Variants in PDZRN4 observed in about 807,000 individuals in gnomAD.
PDZRN4 encodes PDZ domain-containing RING finger protein 4.
In PDZRN4, 70 loss-of-function variants were observed where a neutral mutation model predicts 99.0. That is an observed-to-expected ratio of 0.71 (90% CI 0.58 to 0.86). The LOEUF (loss-of-function observed/expected upper bound fraction) is 0.86. Ranked by LOEUF, PDZRN4 falls within the 40% of genes least tolerant of loss-of-function variation. PDZRN4 has a pLI of 0.00. For synonymous variants in PDZRN4, 551 were observed against 501.6 expected (o/e 1.10, Z -1.32); for missense variants, 1,474 against 1,331.2 (o/e 1.11, Z -1.67).
intron 5 of PDZRN4, among the ~76,000 whole-genome samples, chr12:41,535,961 C>A (rs913040676): frequency 2.6e-5 from 4 of 152,160 alleles, no homozygotes; most frequent in Non-Finnish European, 5.9e-5. Context: ...TCTTTACAAT[C>A]CCTTGGGAGG....
At chr12:41,508,691 G>T (rs1592090195) in intron 4 of PDZRN4, among the ~76,000 whole-genome samples, 1 of 152,150 alleles carries the variant, frequency 6.6e-6, no homozygotes, top group East Asian at 1.9e-4. Context: ...GGTGCTGCCT[G>T]TATTACTTTT....
Position 41,572,411 on chromosome 12 carries a change from C to T in PDZRN4, c.1632C>T (p.Ser544=), listed in dbSNP as rs762518231. Residue 544 remains serine, a synonymous_variant, in exon 10 of 10, where the codon TCC becomes TCT. Transcript: ENST00000402685. ...AAGGCACAACAGACACTGCAACATC[C>T]TCATCCAACAACCATGAGAAGGACA... ...EEEGTTDTAT[S]SSNNHEKDSG... is the part of the protein sequence containing the mutation. 1.9e-6 allele frequency: 3 copies of T among 1,614,056 alleles called. No individual in the cohort carries two copies. Among genetic ancestry groups the T allele is most frequent in the Non-Finnish European group, 2.5e-6 (3 of 1,179,978 alleles).
At chr12:41,374,928 A>C (rs950172897) in intron 3 of PDZRN4, among the ~76,000 whole-genome samples, 6 of 152,180 alleles carry the variant, frequency 3.9e-5, no homozygotes, top group African/African-American at 1.4e-4. Flanking sequence ...TTCTGAGATT[A>C]GGTTATAAAA....
intron 3 of PDZRN4, among the ~76,000 whole-genome samples, chr12:41,353,864 G>C (rs563620427): frequency 6.6e-6 from 1 of 152,170 alleles, no homozygotes; most frequent in East Asian, 1.9e-4. Flanking sequence ...AAGAGTTTAG[G>C]ATGAGATTAT....
intron 3 of PDZRN4, among the ~76,000 whole-genome samples, chr12:41,353,288 T>G (rs907513014): frequency 2.6e-5 from 4 of 152,108 alleles, no homozygotes; most frequent in Non-Finnish European, 5.9e-5. Flanking sequence ...ACCCATTCAC[T>G]TTCTCTCTCT....
At chr12:41,313,363 A>G (rs1796453957) in intron 3 of PDZRN4, among the ~76,000 whole-genome samples, 2 of 152,042 alleles carry the variant, frequency 1.3e-5, no homozygotes, top group South Asian at 2.1e-4. Context: ...TTTATTATTT[A>G]TTTGCTCAAA....
chr12:41,346,726 A>T (rs7298511), intron 3 of PDZRN4, among the ~76,000 whole-genome samples: 58,432 of 151,862 alleles, frequency 0.38, 11,322 homozygotes, highest in African/African-American at 0.41. Context: ...TGGTTTTGGA[A>T]ATGTTTGGTT....
intron 3 of PDZRN4, among the ~76,000 whole-genome samples, chr12:41,304,636 C>T (rs1328161522): frequency 6.6e-6 from 1 of 152,174 alleles, no homozygotes; most frequent in Non-Finnish European, 1.5e-5. Context: ...AATGAGAATG[C>T]ATGCTTTAGA....
At chr12:41,447,232 T>C (rs1952737019) in intron 3 of PDZRN4, among the ~76,000 whole-genome samples, 1 of 152,182 alleles carries the variant, frequency 6.6e-6, no homozygotes, top group Non-Finnish European at 1.5e-5. Context: ...TGCCATTTGC[T>C]CAAGTATGCC....
At chr12:41,230,369 G>T (rs1951020335) in intron 3 of PDZRN4, among the ~76,000 whole-genome samples, 1 of 151,910 alleles carries the variant, frequency 6.6e-6, no homozygotes, top group Non-Finnish European at 1.5e-5. Flanking sequence ...TGTTCAGGCA[G>T]GATAACTGTA....
chr12:41,214,634 C>T (rs1215777787), intron 3 of PDZRN4, among the ~76,000 whole-genome samples: 1 of 151,498 alleles, frequency 6.6e-6, no homozygotes, highest in Non-Finnish European at 1.5e-5. Flanking sequence ...TGATTTTCTG[C>T]CTAGACTAAA....
At chr12:41,259,596 T>G (rs1194952184) in intron 3 of PDZRN4, among the ~76,000 whole-genome samples, 1 of 152,152 alleles carries the variant, frequency 6.6e-6, no homozygotes, top group Non-Finnish European at 1.5e-5. Context: ...TGACCTTTGT[T>G]GCAGACTATA....
intron 3 of PDZRN4, among the ~76,000 whole-genome samples, chr12:41,377,505 A>G (rs547110473): frequency 1.0e-3 from 156 of 152,294 alleles, no homozygotes; most frequent in African/African-American, 3.6e-3. Flanking sequence ...TCTATTAAAA[A>G]TACAAAAAAA....
chr12:41,188,534 G>A lies in PDZRN4; in HGVS notation c.79G>A (p.Glu27Lys). ...ECKLCGQVLE[E>K]PLCTPCGHVF... Reference sequence around the variant, plus strand: ...CAAACTGTGCGGCCAGGTGCTTGAAGAGCCCCTGTGCACGCCGTGCGGGCA... The same window carrying A: ...CAAACTGTGCGGCCAGGTGCTTGAAAAGCCCCTGTGCACGCCGTGCGGGCA... Residue 27 changes from glutamate (E) to lysine (K), a missense_variant, in exon 1 of 10, where the codon GAG (glutamate) becomes AAG (lysine). Glu to Lys is a moderately conservative substitution (Grantham distance 56). Transcript: ENST00000402685. 1.9e-6 allele frequency: 3 copies of A among 1,578,386 alleles called. No homozygotes were observed. The highest frequency in any genetic ancestry group is 4.6e-5 in the East Asian group (2 of 43,650).
chr12:41,254,922 C>CAAAAAAT (rs1210268044), intron 3 of PDZRN4, among the ~76,000 whole-genome samples: 1 of 151,790 alleles, frequency 6.6e-6, no homozygotes, highest in East Asian at 1.9e-4. Context: ...CCAGTATCTA[C>CAAAAAAT]AAAAAATAAA....
At chr12:41,527,332 C>G (rs1938585917) in intron 5 of PDZRN4, among the ~76,000 whole-genome samples, 1 of 152,122 alleles carries the variant, frequency 6.6e-6, no homozygotes, top group African/African-American at 2.4e-5. Flanking sequence ...AAGGAAAAGC[C>G]TTTTCATAAT....
Position 41,509,887 on chromosome 12 carries a change from GACAGA to G in PDZRN4, c.1184_1188del (p.Thr395ArgfsTer3). 1 of 1,588,416 alleles carries G rather than the reference GACAGA, an allele frequency of 6.3e-7. No homozygotes were observed. On this transcript the variant is annotated frameshift_variant, in exon 5 of 10. Coordinates refer to ENST00000402685, the MANE Select transcript of PDZRN4 (RefSeq NM_001164595.2). LOFTEE classifies it high-confidence loss of function. ...TATTTCCAGCTTGCCTGCTGATGCA[GACAGA>G]ACAGAAGACTTTGAATATGAGGTAA... is the stretch of plus-strand genomic sequence containing the variant.
chr12:41,478,702 A>G (rs1349187266), intron 3 of PDZRN4, among the ~76,000 whole-genome samples: 1 of 152,154 alleles, frequency 6.6e-6, no homozygotes, highest in Non-Finnish European at 1.5e-5. Flanking sequence ...TAATAATGAT[A>G]TTTAGAAAGA....
intron 5 of PDZRN4, among the ~76,000 whole-genome samples, chr12:41,538,892 T>C (rs1318567963): frequency 6.6e-6 from 1 of 152,002 alleles, no homozygotes; most frequent in Non-Finnish European, 1.5e-5. Flanking sequence ...TGTGACAGTA[T>C]ATACATTCTT....
Sources: gnomAD v4.1 joint callset for allele counts (sites outside exome capture counted in the v4.1 genomes callset) on GRCh38, gnomAD v4.1.1 for gene constraint, MANE v1.5 for transcripts, NCBI Gene and HGNC (gene_info 2026-07-23, HGNC 2026-07-21) for gene names.